The following XIRP2 variants were observed in gnomAD, a reference collection of about 807,000 sequenced individuals.
XIRP2 encodes the protein xin actin binding repeat containing 2.
Under a neutral mutation model 277.0 loss-of-function variants are expected in XIRP2, and 236 were observed. The ratio of observed to expected loss-of-function variants is 0.85; its 90% CI spans 0.77 to 0.95. The LOEUF is 0.95. Among genes scored for constraint, XIRP2 ranks in the 40% least tolerant of loss-of-function variants. The pLI is 0.00. For missense variants in XIRP2, 4,640 were observed against 4,157.5 expected (o/e 1.12, Z -3.19); for synonymous variants, 1,490 against 1,416.5 (o/e 1.05, Z -1.17).
chr2:167,113,254 G>A (rs747049194), intron 2 of XIRP2, among the ~76,000 whole-genome samples: 17 of 152,106 alleles, frequency 1.1e-4, no homozygotes, highest in South Asian at 2.1e-4. Context: ...GCGTGTTAAA[G>A]TCTCTCCCTA....
chr2:166,980,664 C>A (rs1404415355), intron 2 of XIRP2, among the ~76,000 whole-genome samples: 2 of 152,122 alleles, frequency 1.3e-5, no homozygotes, highest in Admixed American at 1.3e-4. Flanking sequence ...GTTATCCACC[C>A]ACCTCAGCCT....
chr2:167,087,804 G>A (rs979569705), intron 2 of XIRP2, among the ~76,000 whole-genome samples: 83 of 152,236 alleles, frequency 5.5e-4, no homozygotes, highest in Admixed American at 2.4e-3. Flanking sequence ...TTCGGCTCGC[G>A]CACGGTGCGT....
rs1239048975 is a variant in XIRP2, at chr2:167,243,283, G to T, written c.1891G>T (p.Ala631Ser). 2 of 1,613,528 alleles carry T rather than the reference G, an allele frequency of 1.2e-6. No homozygotes were observed. The highest frequency in any genetic ancestry group is 1.7e-6 in the Non-Finnish European group (2 of 1,179,800). Residue 631 changes from alanine to serine, a missense_variant, in exon 9 of 11, where the codon GCT becomes TCT. Physicochemically the swap from Ala to Ser is moderately conservative, Grantham distance 99. Coordinates refer to ENST00000409195, the MANE Select transcript of XIRP2 (RefSeq NM_152381.6). ...AACCCAACCCATCGACACACTTGGGGCTTATTCTTCTGACACTGTAGAAAA... is the reference window on the plus strand; with the variant it reads ...AACCCAACCCATCGACACACTTGGGTCTTATTCTTCTGACACTGTAGAAAA... ...FETQPIDTLGAYSSDTVENAE... is the reference protein window; with the variant it reads ...FETQPIDTLGSYSSDTVENAE...
At chr2:167,144,191 CAT>C (rs1364018860) in intron 3 of XIRP2, among the ~76,000 whole-genome samples, 16 of 152,062 alleles carry the variant, frequency 1.1e-4, no homozygotes, top group African/African-American at 3.1e-4. Context: ...AATAATAACA[CAT>C]AAACTTTTCT....
At position 167,021,183 on chromosome 2, in the gene XIRP2, T is replaced by C. The variant is rs184705206; in HGVS notation, c.409-114726T>C. 2.3e-3 allele frequency among the ~76,000 whole-genome samples: 343 copies of C among 152,238 alleles called. 1 individual carries two copies. The highest frequency in any genetic ancestry group is 8.0e-3 in the African/African-American group (331 of 41,578). On this transcript the variant is annotated intron_variant, in intron 2 of 10. Transcript: ENST00000409195. ...TTGGCACCTATCCTTCTAGAAAAGCTGTGCTTTCAGGTGTGTTTTATAGTG... is the reference window on the plus strand; with the variant it reads ...TTGGCACCTATCCTTCTAGAAAAGCCGTGCTTTCAGGTGTGTTTTATAGTG...
chr2:166,984,137 T>C (rs1307933756), intron 2 of XIRP2, among the ~76,000 whole-genome samples: 1 of 152,194 alleles, frequency 6.6e-6, no homozygotes, highest in Non-Finnish European at 1.5e-5. Context: ...TATTATACTG[T>C]AATATGACTT....
At position 167,251,828 on chromosome 2, in the gene XIRP2, A is replaced by G; in HGVS notation, c.10436A>G (p.Asn3479Ser). The change falls in exon 9 of 11, where the codon AAT (asparagine) becomes AGT (serine). Residue 3479 changes from asparagine to serine, a missense_variant. By Grantham distance (46) the Asn-to-Ser change is conservative (BLOSUM62 1). Transcript: ENST00000409195. ...ISDSPKEVRK[N>S]FQKTWQESGR... is the part of the protein sequence containing the mutation. ...GATTCACCTAAAGAAGTAAGAAAAA[A>G]TTTTCAAAAGACGTGGCAAGAGAGT... 6.2e-7 allele frequency: 1 copy of G among 1,613,290 alleles called. No individual in the cohort carries two copies. Among genetic ancestry groups the G allele is most frequent in the Non-Finnish European group, 8.5e-7 (1 of 1,179,566 alleles).
chr2:167,145,858 C>T (rs1472537646), intron 3 of XIRP2, among the ~76,000 whole-genome samples: 1 of 152,198 alleles, frequency 6.6e-6, no homozygotes, highest in Middle Eastern at 3.4e-3. Context: ...CTGTGAAGGA[C>T]CACAATCAGT....
Position 167,246,765 on chromosome 2 carries a change from A to G in XIRP2, c.5373A>G (p.Leu1791=), listed in dbSNP as rs1393833308. The part of the protein sequence containing the change: ...IGGDVEGTKL[L]LKKRQSLVER... ...GTGATGTTGAAGGTACAAAACTGTT[A>G]CTGAAGAAAAGGCAGTCTCTGGTTG... The change falls in exon 9 of 11, where the codon TTA becomes TTG. Residue 1791 remains leucine, a synonymous_variant. Transcript: ENST00000409195. 3.7e-6 allele frequency: 6 copies of G among 1,613,712 alleles called. No homozygotes were observed. Among genetic ancestry groups the G allele is most frequent in the Non-Finnish European group, 5.1e-6 (6 of 1,179,818 alleles).
At chr2:167,086,652 T>C (rs1181926502) in intron 2 of XIRP2, among the ~76,000 whole-genome samples, 7 of 152,028 alleles carry the variant, frequency 4.6e-5, no homozygotes, top group Non-Finnish European at 8.8e-5. Context: ...CTTTTTATTG[T>C]TTTTTCTCTA....
chr2:167,032,756 A>G (rs1488262232), intron 2 of XIRP2, among the ~76,000 whole-genome samples: 1 of 152,182 alleles, frequency 6.6e-6, no homozygotes, highest in African/African-American at 2.4e-5. Context: ...ACCATCTTAC[A>G]TCAGTTAGAA....
intron 2 of XIRP2, among the ~76,000 whole-genome samples, chr2:166,909,725 C>T (rs1229903975): frequency 6.6e-6 from 1 of 152,146 alleles, no homozygotes; most frequent in Non-Finnish European, 1.5e-5. Flanking sequence ...CCAGTTTTTG[C>T]CCATTTAGTA....
At chr2:167,135,728 G>C (rs1011140751) in intron 2 of XIRP2, among the ~76,000 whole-genome samples, 181 bp from the exon 3 acceptor site, 1 of 152,088 alleles carries the variant, frequency 6.6e-6, no homozygotes, top group Non-Finnish European at 1.5e-5. Context: ...TAAACTAAGC[G>C]TTCAGATATA....
At chr2:167,157,403 G>T (rs866085283) in intron 3 of XIRP2, among the ~76,000 whole-genome samples, 3 of 151,998 alleles carry the variant, frequency 2.0e-5, no homozygotes, top group Non-Finnish European at 2.9e-5. Flanking sequence ...ATGTTCTAGG[G>T]ATGTTCCTAG....
intron 2 of XIRP2, among the ~76,000 whole-genome samples, chr2:166,917,916 C>A (rs1437026039): frequency 2.6e-5 from 4 of 152,110 alleles, no homozygotes; most frequent in African/African-American, 7.2e-5. Context: ...CTTTCCCTGT[C>A]CTCCTATGAC....
intron 3 of XIRP2, among the ~76,000 whole-genome samples, chr2:167,159,384 G>A (rs556946254): frequency 2.6e-5 from 4 of 152,190 alleles, no homozygotes; most frequent in Admixed American, 1.3e-4. Context: ...TGCTACGTTG[G>A]CATATCAATA....
chr2:167,000,250 G>T (rs1413436707), intron 2 of XIRP2, among the ~76,000 whole-genome samples: 1 of 152,088 alleles, frequency 6.6e-6, no homozygotes, highest in Non-Finnish European at 1.5e-5. Context: ...ATGAAATTAT[G>T]ATAGTTTCCT....
intron 2 of XIRP2, among the ~76,000 whole-genome samples, chr2:167,069,344 T>C (rs10497306): frequency 0.076 from 11,499 of 152,216 alleles, 494 homozygotes; most frequent in South Asian, 0.17. Context: ...CAGTGGTGGT[T>C]GGACACCTTA....
chr2:167,027,323 C>A (rs558563895), intron 2 of XIRP2, among the ~76,000 whole-genome samples: 4 of 152,124 alleles, frequency 2.6e-5, no homozygotes, highest in Non-Finnish European at 4.4e-5. Flanking sequence ...ACATTCTTCA[C>A]GTAGATCTCA....
Sources: allele counts gnomAD v4.1 joint callset (sites outside exome capture counted in the v4.1 genomes callset), GRCh38; gene constraint gnomAD v4.1.1; transcripts MANE v1.5; gene names NCBI Gene and HGNC (gene_info 2026-07-23, HGNC 2026-07-21).